GPR149: variants seen among roughly 807,000 people sequenced by gnomAD.
GPR149 encodes the protein G protein-coupled receptor 149.
A neutral mutation model predicts 50.2 loss-of-function variants in GPR149; 50 were observed. That is an observed-to-expected ratio of 1.00 (90% CI 0.79 to 1.26). The LOEUF is 1.26. GPR149 is among the 50% of genes most tolerant of loss of function. The pLI is 0.00. For missense variants in GPR149, 983 were observed against 895.4 expected (o/e 1.10, Z -1.25); for synonymous variants, 405 against 358.2 (o/e 1.13, Z -1.48).
chr3:154,426,871 C>CGTGT (rs61087162), intron 2 of GPR149, among the ~76,000 whole-genome samples: 90 of 144,526 alleles, frequency 6.2e-4, no homozygotes, highest in East Asian at 2.5e-3. Context: ...TGGACCAGGG[C>CGTGT]GTGTGTGTGT....
intron 3 of GPR149, among the ~76,000 whole-genome samples, chr3:154,384,846 T>A (rs780215629): frequency 7.9e-5 from 12 of 152,246 alleles, no homozygotes; most frequent in Non-Finnish European, 1.6e-4. Context: ...ATGACCACTG[T>A]TTTTGGCTAT....
chr3:154,424,828 A>G (rs1399247116), intron 2 of GPR149, among the ~76,000 whole-genome samples: 1 of 151,804 alleles, frequency 6.6e-6, no homozygotes, highest in South Asian at 2.1e-4. Flanking sequence ...ATCCACTTAT[A>G]AAAACAAATC....
chr3:154,411,321 G>C (rs1010169795), intron 3 of GPR149, among the ~76,000 whole-genome samples: 3 of 151,948 alleles, frequency 2.0e-5, no homozygotes, highest in African/African-American at 7.3e-5. Context: ...AATCCCAGCA[G>C]AAGGAAAGAA....
At chr3:154,414,105 A>G (rs1711918315) in intron 3 of GPR149, among the ~76,000 whole-genome samples, 1 of 152,022 alleles carries the variant, frequency 6.6e-6, no homozygotes, top group African/African-American at 2.4e-5. Flanking sequence ...GTGTGAGTTA[A>G]GCCATGAGGA....
intron 3 of GPR149, among the ~76,000 whole-genome samples, chr3:154,411,801 A>G (rs1711841107): frequency 6.6e-6 from 1 of 152,204 alleles, no homozygotes; most frequent in South Asian, 2.1e-4. Context: ...TCCTATTGAC[A>G]CTATTCCAAA....
In GPR149 at chr3:154,360,390, G is replaced by A. The variant is rs557162294; in HGVS notation, c.1624-22119C>T. On this transcript the variant is annotated intron_variant, in intron 3 of 3. Transcript: ENST00000389740. ...AAGGCTGTGGCAACACATTTTCTTGGTAGCCACTGTATATCTAATCACTGC... is the reference window on the plus strand; with the variant it reads ...AAGGCTGTGGCAACACATTTTCTTGATAGCCACTGTATATCTAATCACTGC... 1.5e-3 allele frequency among the ~76,000 whole-genome samples: 230 copies of A among 152,282 alleles called. 1 individual carries two copies. The highest frequency in any genetic ancestry group is 5.4e-3 in the African/African-American group (224 of 41,544).
chr3:154,343,202 A>G (rs185648969), intron 3 of GPR149, among the ~76,000 whole-genome samples: 42 of 152,324 alleles, frequency 2.8e-4, no homozygotes, highest in Admixed American at 1.1e-3. Context: ...TTAAGCATGT[A>G]TAGGAATGAA....
At chr3:154,426,871 CGTGTGT>C (rs61087162) in intron 2 of GPR149, among the ~76,000 whole-genome samples, 35,333 of 144,282 alleles carry the variant, frequency 0.24, 4,444 homozygotes, top group Non-Finnish European at 0.26. Flanking sequence ...TGGACCAGGG[CGTGTGT>C]GTGTGTGTGT....
chr3:154,346,863 C>T (rs1372483678), intron 3 of GPR149, among the ~76,000 whole-genome samples: 2 of 152,082 alleles, frequency 1.3e-5, no homozygotes. Context: ...TCCCACAGTG[C>T]TAGGATTAAA....
chr3:154,429,608 A>G lies in GPR149; in HGVS notation c.8T>C (p.Leu3Ser). The change falls in exon 1 of 4, where the codon TTA (leucine) becomes TCA (serine). Residue 3 changes from leucine to serine, a missense_variant. Leu to Ser is a moderately radical substitution (Grantham distance 145). Transcript: ENST00000389740. Reference sequence around the variant, plus strand: ...ATTTGTTGATAAGTTACTGAGAAATAAAGACATTGTCCTTGGTCAATATTT... The same window carrying G: ...ATTTGTTGATAAGTTACTGAGAAATGAAGACATTGTCCTTGGTCAATATTT... MS[L>S]FLSNLSTNDS... is the part of the protein sequence containing the mutation. 6.2e-7 allele frequency: 1 copy of G among 1,611,626 alleles called. No homozygotes were observed. Among genetic ancestry groups the G allele is most frequent in the South Asian group, 1.1e-5 (1 of 90,842 alleles).
intron 3 of GPR149, among the ~76,000 whole-genome samples, chr3:154,399,868 A>G (rs142203034): frequency 6.6e-6 from 1 of 152,354 alleles, no homozygotes; most frequent in East Asian, 1.9e-4. Context: ...TTATTCATTC[A>G]GTTAACAGCA....
At chr3:154,374,393 G>A (rs941041992) in intron 3 of GPR149, among the ~76,000 whole-genome samples, 7 of 151,554 alleles carry the variant, frequency 4.6e-5, no homozygotes, top group African/African-American at 1.5e-4. Flanking sequence ...GGTTGGTATC[G>A]AACTCCTGGA....
intron 3 of GPR149, among the ~76,000 whole-genome samples, chr3:154,383,457 C>T (rs1056902409): frequency 4.6e-5 from 7 of 152,136 alleles, no homozygotes; most frequent in Middle Eastern, 3.4e-3. Flanking sequence ...TTACTTTGTG[C>T]GAGTCCTTCA....
chr3:154,350,553 G>C (rs1438843173), intron 3 of GPR149, among the ~76,000 whole-genome samples: 1 of 152,120 alleles, frequency 6.6e-6, no homozygotes, highest in East Asian at 1.9e-4. Context: ...CTGAATAAAT[G>C]AAGAGACATA....
At position 154,363,280 on chromosome 3, in the gene GPR149, T is replaced by C. The variant is rs369896218; in HGVS notation, c.1624-25009A>G. On this transcript the variant is annotated intron_variant, in intron 3 of 3. Coordinates refer to ENST00000389740, the MANE Select transcript of GPR149 (RefSeq NM_001038705.3). ...GGCTGTGATGTGTAGATCAGAGGGT[T>C]GTCTCAGTACACTTTTGCTGCTATA... 2.7e-5 allele frequency among the ~76,000 whole-genome samples: 4 copies of C among 146,748 alleles called. No individual in the cohort carries two copies. In the East Asian group the frequency reaches 6.0e-4, roughly 22 times the overall value.
intron 3 of GPR149, among the ~76,000 whole-genome samples, chr3:154,408,025 C>A (rs1261292332): frequency 1.3e-5 from 2 of 151,850 alleles, no homozygotes; most frequent in Non-Finnish European, 2.9e-5. Flanking sequence ...GTTGGGGTAA[C>A]AAAATAAATG....
intron 3 of GPR149, among the ~76,000 whole-genome samples, chr3:154,398,069 T>TTA (rs562101462): frequency 3.3e-5 from 5 of 152,204 alleles, no homozygotes; most frequent in East Asian, 1.9e-4. Flanking sequence ...TCATATAAGC[T>TTA]TATATATATA....
rs117445875 is a variant in GPR149 at position 154,384,426 on chromosome 3, A to G, written c.1623+36613T>C. On this transcript the variant is annotated intron_variant, in intron 3 of 3. Transcript: ENST00000389740. ...CAACATCAGTGAGAAATACCAACTGAGACAATTATATAGTAACCATGGAAG... is the reference window on the plus strand; with the variant it reads ...CAACATCAGTGAGAAATACCAACTGGGACAATTATATAGTAACCATGGAAG... Among the ~76,000 whole-genome samples, 150 of 152,330 alleles carry G rather than the reference A, an allele frequency of 9.8e-4. 3 individuals are homozygous for G. In the East Asian group the frequency reaches 0.025, roughly 25 times the overall value.
chr3:154,346,352 T>A (rs1713925230), intron 3 of GPR149, among the ~76,000 whole-genome samples: 1 of 152,230 alleles, frequency 6.6e-6, no homozygotes. Context: ...ACTATGTCGT[T>A]ACTGTTTTCA....
Sources: allele counts gnomAD v4.1 joint callset (sites outside exome capture counted in the v4.1 genomes callset), GRCh38; gene constraint gnomAD v4.1.1; transcripts MANE v1.5; gene names NCBI Gene and HGNC (gene_info 2026-07-23, HGNC 2026-07-21).